Variants in GORAB observed in about 807,000 individuals in gnomAD.
GORAB encodes RAB6-interacting golgin.
GORAB carries 17 observed loss-of-function variants against 29.9 expected under a neutral mutation model. That is an observed-to-expected ratio of 0.57 (90% CI 0.39 to 0.85). GORAB has a LOEUF of 0.85. Among genes scored for constraint, GORAB ranks in the 40% least tolerant of loss-of-function variants. The pLI is 0.00. For missense variants in GORAB, 442 were observed against 437.8 expected, an observed-to-expected ratio of 1.01 and a Z score of -0.09; for synonymous variants, 183 against 157.2, an observed-to-expected ratio of 1.16 and a Z score of -1.23.
intron 1 of GORAB, chr1:170,536,565 T>C (rs1053990635): frequency 6.6e-6 from 1 of 152,222 alleles, no homozygotes; most frequent in African/African-American, 2.4e-5. Context: ...TCTAAAGTTA[T>C]ATTTTGTGAC....
Position 170,544,875 on chromosome 1 carries a change from G to A in GORAB, c.662+30G>A, listed in dbSNP as rs546125888. 5.0e-6 allele frequency: 8 copies of A among 1,594,164 alleles called. No individual in the cohort carries two copies. In the South Asian group the frequency reaches 6.7e-5, roughly 13 times the overall value. On this transcript the variant is annotated intron_variant, in intron 4 of 4. Coordinates refer to ENST00000367763, the MANE Select transcript of GORAB (RefSeq NM_152281.3). The stretch of plus-strand genomic sequence containing the variant: ...GTTGGGGAAATTGAATCTGAACAAG[G>A]AGTATGATTTAATTAATGTTTATTG...
intron 1 of GORAB, chr1:170,533,675 TC>T: frequency 2.5e-6 from 1 of 402,418 alleles, no homozygotes; most frequent in South Asian, 1.7e-5. Context: ...AATATAAAAA[TC>T]TAAATTAAAC....
chr1:170,534,253 TTTG>T (rs1225878920), intron 1 of GORAB, among the ~76,000 whole-genome samples: 1 of 152,222 alleles, frequency 6.6e-6, no homozygotes, highest in African/African-American at 2.4e-5. Context: ...CATTAAAATG[TTTG>T]TTAATACAGT....
chr1:170,540,329 T>C (rs60696673), intron 2 of GORAB, among the ~76,000 whole-genome samples: 5,813 of 152,300 alleles, frequency 0.038, 366 homozygotes, highest in African/African-American at 0.13. Flanking sequence ...AATTTTTTAT[T>C]TGATAGCTTG....
chr1:170,537,183 CT>C (rs1269311354), intron 1 of GORAB, among the ~76,000 whole-genome samples: 12 of 151,020 alleles, frequency 7.9e-5, no homozygotes, highest in African/African-American at 2.7e-4. Flanking sequence ...CTTTACATTT[CT>C]TTTAGTTAAT....
intron 2 of GORAB, among the ~76,000 whole-genome samples, chr1:170,540,759 G>A (rs905150655): frequency 6.6e-6 from 1 of 152,182 alleles, no homozygotes; most frequent in African/African-American, 2.4e-5. Flanking sequence ...TAAAAGACCT[G>A]TAACCTCAAA....
At chr1:170,551,835 T>C (rs1298793890) in intron 4 of GORAB, among the ~76,000 whole-genome samples, 180 bp from the exon 5 acceptor site, 3 of 152,236 alleles carry the variant, frequency 2.0e-5, no homozygotes, top group Non-Finnish European at 4.4e-5. Context: ...CTGTGAAAGT[T>C]TCAGCAGCCA....
At chr1:170,536,407 C>G (rs1649063600) in intron 1 of GORAB, 2 of 152,104 alleles carry the variant, frequency 1.3e-5, no homozygotes, top group African/African-American at 4.8e-5. Context: ...AATTACAAAT[C>G]AAGAATACAG....
chr1:170,533,375 T>G (rs887359011), intron 1 of GORAB: 4 of 290,812 alleles, frequency 1.4e-5, no homozygotes, highest in South Asian at 1.2e-4. Context: ...TAGGCTAAGC[T>G]ATGTAGTTAA....
intron 4 of GORAB, chr1:170,545,690 A>T: frequency 2.0e-6 from 2 of 983,506 alleles, no homozygotes; most frequent in Non-Finnish European, 2.4e-6. Flanking sequence ...ATGCCTCATT[A>T]GGCCAGGGTA....
chr1:170,532,228 C>T lies in GORAB; in HGVS notation c.5C>T (p.Ala2Val). 6.2e-7 allele frequency: 1 copy of T among 1,613,984 alleles called. No individual in the cohort carries two copies. Among genetic ancestry groups the T allele is most frequent in the Non-Finnish European group, 8.5e-7 (1 of 1,179,988 alleles). ...GGGTGCCGGTGGCCCGGGCCGATGGCGCAAGGTTGGGCAGGATTCTCTGAG... is the reference window on the plus strand; with the variant it reads ...GGGTGCCGGTGGCCCGGGCCGATGGTGCAAGGTTGGGCAGGATTCTCTGAG... MAQGWAGFSEEE... is the reference protein window; with the variant it reads MVQGWAGFSEEE... Residue 2 changes from alanine (A) to valine (V), a missense_variant, in exon 1 of 5, where the codon GCG (alanine) becomes GTG (valine). Ala to Val is a moderately conservative substitution (Grantham distance 64). Coordinates refer to ENST00000367763, the MANE Select transcript of GORAB (RefSeq NM_152281.3).
chr1:170,546,306 C>T (rs964535489), intron 4 of GORAB, among the ~76,000 whole-genome samples: 2 of 151,872 alleles, frequency 1.3e-5, no homozygotes, highest in Non-Finnish European at 1.5e-5. Context: ...AGGAGAATGG[C>T]GTGAACCTGG....
chr1:170,534,163 A>G (rs1297595792), intron 1 of GORAB, among the ~76,000 whole-genome samples: 1 of 152,194 alleles, frequency 6.6e-6, no homozygotes, highest in Non-Finnish European at 1.5e-5. Context: ...AAGGGAATGG[A>G]TAAATAAATT....
intron 1 of GORAB, among the ~76,000 whole-genome samples, chr1:170,538,434 T>C (rs6688821): frequency 0.29 from 44,447 of 152,164 alleles, 8,164 homozygotes; most frequent in East Asian, 0.7. Context: ...GGTCAGATTC[T>C]CCAATTGTCT....
rs769560414 is a variant in GORAB, at chr1:170,539,490, T to C, written c.342T>C (p.Asn114=). ...AGCCAAAGGAACTGGGACTTGAGAATTCCCATGATGGTCACAACAATGTTG... is the reference window on the plus strand; with the variant it reads ...AGCCAAAGGAACTGGGACTTGAGAACTCCCATGATGGTCACAACAATGTTG... The part of the protein sequence containing the change: ...ESQPKELGLE[N]SHDGHNNVEI... Residue 114 remains asparagine (N), a synonymous_variant, in exon 2 of 5, where the codon AAT becomes AAC. Transcript: ENST00000367763. The C allele has an allele frequency of 7.4e-6, 12 of 1,613,868 alleles. No homozygotes were observed. Among genetic ancestry groups the C allele is most frequent in the Non-Finnish European group, 1.0e-5 (12 of 1,179,874 alleles).
Position 170,539,540 on chromosome 1 carries a change from G to A in GORAB, c.392G>A (p.Cys131Tyr), listed in dbSNP as rs1367421519. 25 of 1,613,838 alleles carry A rather than the reference G, an allele frequency of 1.5e-5. No individual in the cohort carries two copies. Among genetic ancestry groups the A allele is most frequent in the Non-Finnish European group, 2.1e-5 (25 of 1,179,912 alleles). The stretch of plus-strand genomic sequence containing the variant: ...GAGATTCTACCTCCAAAGCCAGATT[G>A]CAAATTGGAGAAAAAGAAAGTGGAA... ...NVEILPPKPD[C>Y]KLEKKKVELQ... Residue 131 changes from cysteine to tyrosine, a missense_variant, in exon 2 of 5, where the codon TGC becomes TAC. Transcript: ENST00000367763.
At position 170,542,483 on chromosome 1, in the gene GORAB, C is replaced by A; in HGVS notation, c.420-8C>A. Reference sequence around the variant, plus strand: ...TAAACTCATTTTTATGCTTTTTTTGCCCCCTAGGCAAGAAAAATCTCGTTG... The same window carrying A: ...TAAACTCATTTTTATGCTTTTTTTGACCCCTAGGCAAGAAAAATCTCGTTG... On this transcript the variant is annotated splice_polypyrimidine_tract_variant and splice_region_variant and intron_variant, in intron 2 of 4. Transcript: ENST00000367763. 6.3e-7 allele frequency: 1 copy of A among 1,591,268 alleles called. No homozygotes were observed. The highest frequency in any genetic ancestry group is 8.6e-7 in the Non-Finnish European group (1 of 1,159,760).
At chr1:170,537,482 A>C (rs1649133388) in intron 1 of GORAB, among the ~76,000 whole-genome samples, 1 of 152,184 alleles carries the variant, frequency 6.6e-6, no homozygotes, top group Non-Finnish European at 1.5e-5. Flanking sequence ...TTAATGAAAA[A>C]TAAACCTTTG....
intron 4 of GORAB, chr1:170,545,205 A>G (rs564844591): frequency 2.1e-3 from 2,106 of 1,006,800 alleles, no homozygotes; most frequent in Non-Finnish European, 2.4e-3. Flanking sequence ...TTACTCTGAC[A>G]CCAAGTCTGT....
Sources: allele counts gnomAD v4.1 joint callset (sites outside exome capture counted in the v4.1 genomes callset), GRCh38; gene constraint gnomAD v4.1.1; transcripts MANE v1.5; gene names NCBI Gene and HGNC (gene_info 2026-07-23, HGNC 2026-07-21).